Variants in CNTN3 observed in about 807,000 individuals in gnomAD.
The protein encoded by CNTN3 is contactin-3.
A neutral mutation model predicts 119.1 loss-of-function variants in CNTN3; 60 were observed. The observed-to-expected ratio is 0.50, with a 90% CI of 0.41 to 0.62. The LOEUF (loss-of-function observed/expected upper bound fraction) is 0.62. Ranked by LOEUF, CNTN3 falls within the 20% of genes least tolerant of loss-of-function variation. CNTN3 has a pLI of 0.00. For synonymous variants in CNTN3, 450 were observed against 438.7 expected (o/e 1.03, Z -0.32); for missense variants, 1,101 against 1,242.4 (o/e 0.89, Z 1.71).
chr3:74,606,042 C>T (rs1704986447), intron 1 of CNTN3, among the ~76,000 whole-genome samples: 2 of 151,548 alleles, frequency 1.3e-5, no homozygotes, highest in Non-Finnish European at 2.9e-5. Context: ...CCTCTCCCCT[C>T]AAAAAAAAGT....
At chr3:74,564,847 A>G (rs1009639266) in intron 1 of CNTN3, among the ~76,000 whole-genome samples, 1 of 152,020 alleles carries the variant, frequency 6.6e-6, no homozygotes, top group Non-Finnish European at 1.5e-5. Context: ...ACTGCTTGCA[A>G]TTAAGAACTC....
intron 4 of CNTN3, among the ~76,000 whole-genome samples, chr3:74,474,081 A>C (rs1702611714): frequency 6.6e-6 from 1 of 152,174 alleles, no homozygotes; most frequent in Admixed American, 6.5e-5. Flanking sequence ...TGATAGTTAC[A>C]GGATATGTCA....
intron 11 of CNTN3, among the ~76,000 whole-genome samples, chr3:74,353,451 T>C (rs1020296387): frequency 3.3e-5 from 5 of 152,172 alleles, no homozygotes; most frequent in Admixed American, 6.5e-5. Context: ...TAAAACTGCA[T>C]GTAACTTTTA....
In CNTN3 at chr3:74,543,144, A is replaced by T. The variant is rs773595771; in HGVS notation, c.-80-21952T>A. ...GACCTTGTCTCAAATAACAAAAAAA[A>T]AATTGTGTATTAAGTTTCAAAGGAT... On this transcript the variant is annotated intron_variant, in intron 1 of 22. Transcript: ENST00000263665. 5.3e-5 allele frequency among the ~76,000 whole-genome samples: 8 copies of T among 152,108 alleles called. 1 individual carries two copies. Among genetic ancestry groups the T allele is most frequent in the Non-Finnish European group, 1.2e-4 (8 of 68,010 alleles).
intron 4 of CNTN3, among the ~76,000 whole-genome samples, chr3:74,437,289 C>T (rs962631965): frequency 4.6e-5 from 7 of 151,886 alleles, no homozygotes; most frequent in South Asian, 2.1e-4. Flanking sequence ...AATGAAGCCC[C>T]GTCTCTACTA....
At chr3:74,302,933 A>G (rs1196794722) in intron 13 of CNTN3, 126 bp from the exon 14 acceptor site, 2 of 576,922 alleles carry the variant, frequency 3.5e-6, no homozygotes, top group South Asian at 2.5e-5. Context: ...CCAAGGTGGT[A>G]TAAGAGAGTA....
At chr3:74,462,809 T>A (rs1450523076) in intron 4 of CNTN3, among the ~76,000 whole-genome samples, 1 of 152,184 alleles carries the variant, frequency 6.6e-6, no homozygotes, top group African/African-American at 2.4e-5. Context: ...GATCCCCTTA[T>A]TCTCCTTAGG....
intron 16 of CNTN3, among the ~76,000 whole-genome samples, 178 bp downstream of exon 16, chr3:74,301,220 C>G (rs1286065095): frequency 6.6e-6 from 1 of 152,176 alleles, no homozygotes; most frequent in East Asian, 1.9e-4. Context: ...ACATCAGAGT[C>G]ACTTACATGT....
chr3:74,489,208 C>T (rs1454225401), intron 3 of CNTN3, among the ~76,000 whole-genome samples: 1 of 152,134 alleles, frequency 6.6e-6, no homozygotes, highest in Non-Finnish European at 1.5e-5. Flanking sequence ...ACCATATCTA[C>T]TGAGTCAGAA....
intron 22 of CNTN3, 46 bp from the exon 23 acceptor site, chr3:74,264,547 T>C: frequency 7.8e-7 from 1 of 1,284,342 alleles, no homozygotes; most frequent in Admixed American, 1.8e-5. Flanking sequence ...TGTACCAATA[T>C]GTAATCAGGG....
chr3:74,486,366 T>A, intron 4 of CNTN3, 90 bp downstream of exon 4: 1 of 1,121,628 alleles, frequency 8.9e-7, no homozygotes, highest in East Asian at 2.4e-5. Context: ...ATAAAACCCA[T>A]GTATTATTTC....
intron 4 of CNTN3, among the ~76,000 whole-genome samples, chr3:74,482,207 C>T (rs758103062): frequency 6.6e-6 from 1 of 151,714 alleles, no homozygotes; most frequent in Admixed American, 6.6e-5. Context: ...GATAAATAGG[C>T]AAAAGTACTA....
intron 11 of CNTN3, among the ~76,000 whole-genome samples, chr3:74,355,757 T>C (rs1487283820): frequency 6.6e-6 from 1 of 151,962 alleles, no homozygotes; most frequent in Middle Eastern, 3.2e-3. Flanking sequence ...ACCCTGCTGG[T>C]CCTCTTTTTT....
rs796498627 is a variant in CNTN3 at position 74,457,137 on chromosome 3, C to T, written c.358+29319G>A. On this transcript the variant is annotated intron_variant, in intron 4 of 22. Transcript: ENST00000263665. ...CTATTTTGTTTTAATATTATTAACACCTGATATTTTGTAGAATCCTTTGAT... is the reference window on the plus strand; with the variant it reads ...CTATTTTGTTTTAATATTATTAACATCTGATATTTTGTAGAATCCTTTGAT... Among the ~76,000 whole-genome samples the T allele has an allele frequency of 1.1e-4, 16 of 151,972 alleles. No individual in the cohort carries two copies. The East Asian group carries it at 2.9e-3, about 28-fold the overall frequency.
intron 4 of CNTN3, among the ~76,000 whole-genome samples, chr3:74,440,640 CT>C (rs1401913803): frequency 6.6e-6 from 1 of 151,942 alleles, no homozygotes; most frequent in Admixed American, 6.6e-5. Context: ...AACATGTATA[CT>C]TTTTTTCCTG....
intron 4 of CNTN3, among the ~76,000 whole-genome samples, chr3:74,478,104 G>A (rs1419211714): frequency 6.6e-6 from 1 of 152,124 alleles, no homozygotes; most frequent in Non-Finnish European, 1.5e-5. Flanking sequence ...GAAGAACAAA[G>A]TACAAATGTA....
intron 5 of CNTN3, among the ~76,000 whole-genome samples, chr3:74,390,127 C>T (rs1704859732): frequency 6.6e-6 from 1 of 152,182 alleles, no homozygotes; most frequent in African/African-American, 2.4e-5. Context: ...ACTCTATGAA[C>T]TAACAAGAAC....
intron 1 of CNTN3, among the ~76,000 whole-genome samples, chr3:74,557,185 A>C (rs1704082262): frequency 6.6e-6 from 1 of 152,074 alleles, no homozygotes; most frequent in African/African-American, 2.4e-5. Context: ...TGGGGTTTTA[A>C]TGTCATATCT....
chr3:74,590,677 G>T lies in CNTN3; in HGVS notation c.-81+23714C>A, dbSNP rs1704686724. Reference sequence around the variant, plus strand: ...TGGCTTTCAAGTGATGGTCATATGAGAGAAAAACCTACTCATTGTTTTCTG... The same window carrying T: ...TGGCTTTCAAGTGATGGTCATATGATAGAAAAACCTACTCATTGTTTTCTG... On this transcript the variant is annotated intron_variant, in intron 1 of 22. Transcript: ENST00000263665. Among the ~76,000 whole-genome samples the T allele has an allele frequency of 3.3e-5, 5 of 152,032 alleles. 1 individual carries two copies. The South Asian group carries it at 1.0e-3, about 32-fold the overall frequency.
Sources: allele counts gnomAD v4.1 joint callset (sites outside exome capture counted in the v4.1 genomes callset), GRCh38; gene constraint gnomAD v4.1.1; transcripts MANE v1.5; gene names NCBI Gene and HGNC (gene_info 2026-07-23, HGNC 2026-07-21).